TLE4: variants seen among roughly 807,000 people sequenced by gnomAD.
TLE4 encodes the protein TLE family member 4, transcriptional corepressor, also known as transducin-like enhancer protein 4.
A neutral mutation model predicts 92.8 loss-of-function variants in TLE4; 8 were observed. The observed-to-expected ratio is 0.09, with a 90% CI of 0.05 to 0.16. The LOEUF is 0.16. TLE4 is among the 10% of genes least tolerant of loss of function. The pLI, the probability that TLE4 is intolerant of heterozygous loss-of-function variation, is 1.00. For synonymous variants in TLE4, 371 were observed against 374.1 expected (o/e 0.99, Z 0.10); for missense variants, 675 against 997.6 (o/e 0.68, Z 4.36).
intron 10 of TLE4, among the ~76,000 whole-genome samples, 186 bp from the exon 11 acceptor site, chr9:79,706,561 A>T (rs986221561): frequency 2.0e-5 from 3 of 152,136 alleles, no homozygotes; most frequent in African/African-American, 7.2e-5. Flanking sequence ...TATAAATACT[A>T]TAATTTTGGG....
chr9:79,594,768 A>C (rs752787139), intron 4 of TLE4, among the ~76,000 whole-genome samples: 5 of 152,202 alleles, frequency 3.3e-5, no homozygotes, highest in Non-Finnish European at 5.9e-5. Flanking sequence ...ATTTTGGGGT[A>C]AATGGGCAAA....
intron 4 of TLE4, among the ~76,000 whole-genome samples, chr9:79,590,493 C>T (rs950967540): frequency 6.6e-6 from 1 of 152,086 alleles, no homozygotes; most frequent in Non-Finnish European, 1.5e-5. Context: ...GGAGAGGCTG[C>T]GGCAGGCAAA....
At chr9:79,723,246 C>G (rs1332522029) in intron 19 of TLE4, among the ~76,000 whole-genome samples, 2 of 152,218 alleles carry the variant, frequency 1.3e-5, no homozygotes, top group African/African-American at 4.8e-5. Context: ...AGCTCAGAGC[C>G]AGTGCTGTGC....
chr9:79,607,278 T>G (rs1431039026), intron 4 of TLE4, among the ~76,000 whole-genome samples: 1 of 152,192 alleles, frequency 6.6e-6, no homozygotes, highest in Admixed American at 6.5e-5. Flanking sequence ...ATTAGCCTTT[T>G]GTCAGGTGGG....
chr9:79,621,155 A>T (rs2050864898), intron 5 of TLE4, among the ~76,000 whole-genome samples: 1 of 152,180 alleles, frequency 6.6e-6, no homozygotes, highest in African/African-American at 2.4e-5. Context: ...ATTTAAGTTG[A>T]TTTGTACTAG....
At chr9:79,669,922 C>T (rs774119179) in intron 8 of TLE4, among the ~76,000 whole-genome samples, 7 of 152,068 alleles carry the variant, frequency 4.6e-5, no homozygotes, top group Non-Finnish European at 8.8e-5. Flanking sequence ...TACATGAATG[C>T]TCCCCACGTT....
intron 8 of TLE4, among the ~76,000 whole-genome samples, chr9:79,679,406 C>T (rs2063964479): frequency 6.6e-6 from 1 of 152,158 alleles, no homozygotes; most frequent in Non-Finnish European, 1.5e-5. Context: ...TTTTTGGCTG[C>T]ATAAATGTCT....
At chr9:79,669,660 T>C (rs2061949415) in intron 8 of TLE4, among the ~76,000 whole-genome samples, 1 of 152,306 alleles carries the variant, frequency 6.6e-6, no homozygotes, top group Non-Finnish European at 1.5e-5. Context: ...CCTCATTTAT[T>C]GGATTCCCCT....
intron 8 of TLE4, among the ~76,000 whole-genome samples, chr9:79,674,262 C>T (rs2062878606): frequency 6.6e-6 from 1 of 152,088 alleles, no homozygotes; most frequent in Non-Finnish European, 1.5e-5. Flanking sequence ...TCTGTGCTGT[C>T]ATCAGAACAG....
chr9:79,588,123 T>C (rs1213853225), intron 4 of TLE4, among the ~76,000 whole-genome samples: 2 of 145,724 alleles, frequency 1.4e-5, no homozygotes, highest in East Asian at 3.9e-4. Context: ...TAAACTTCTT[T>C]GTTTATCCTT....
intron 8 of TLE4, among the ~76,000 whole-genome samples, chr9:79,702,622 C>T (rs2070267194): frequency 6.6e-6 from 1 of 152,166 alleles, no homozygotes; most frequent in African/African-American, 2.4e-5. Flanking sequence ...CTGAATAATG[C>T]CTGCAGTCTT....
At chr9:79,647,772 A>G (rs1402663705) in intron 6 of TLE4, among the ~76,000 whole-genome samples, 1 of 152,110 alleles carries the variant, frequency 6.6e-6, no homozygotes, top group African/African-American at 2.4e-5. Flanking sequence ...CGTAGCACAT[A>G]TATATGTATT....
chr9:79,722,885 TGTTC>T (rs2075862579), intron 18 of TLE4, 70 bp from the exon 19 acceptor site: 2 of 1,352,070 alleles, frequency 1.5e-6, no homozygotes, highest in Non-Finnish European at 2.1e-6. Flanking sequence ...AATAGTTTGG[TGTTC>T]TATAAAGCAA....
chr9:79,592,060 C>G (rs1210317289), intron 4 of TLE4, among the ~76,000 whole-genome samples: 3 of 152,074 alleles, frequency 2.0e-5, no homozygotes, highest in African/African-American at 7.2e-5. Flanking sequence ...GTTTTAGGAA[C>G]TATTTGACGT....
rs942401296 is a variant in TLE4 at position 79,707,024 on chromosome 9, C to T, written c.936+125C>T. On this transcript the variant is annotated intron_variant, in intron 11 of 19. Coordinates refer to ENST00000376552, the MANE Select transcript of TLE4 (RefSeq NM_007005.6). ...TTTTATTTCCAAATGTATATATGTT[C>T]GGTATTTAAGTTTAATTGGCAAAAG... is the stretch of plus-strand genomic sequence containing the variant. The T allele has an allele frequency of 8.2e-5, 128 of 1,559,408 alleles. No individual in the cohort carries two copies. In the African/African-American group the frequency reaches 1.1e-3, roughly 14 times the overall value.
chr9:79,581,702 A>T (rs891887383), intron 4 of TLE4, among the ~76,000 whole-genome samples: 1 of 152,248 alleles, frequency 6.6e-6, no homozygotes, highest in Admixed American at 6.5e-5. Flanking sequence ...TGGTGGATTC[A>T]GGACTTCAAA....
chr9:79,660,377 A>T (rs1479550091), intron 8 of TLE4, among the ~76,000 whole-genome samples: 1 of 152,228 alleles, frequency 6.6e-6, no homozygotes, highest in Non-Finnish European at 1.5e-5. Context: ...AGTTGGCCAT[A>T]CCATTAGCCA....
At chr9:79,674,576 T>C (rs2062945575) in intron 8 of TLE4, among the ~76,000 whole-genome samples, 1 of 152,202 alleles carries the variant, frequency 6.6e-6, no homozygotes, top group Admixed American at 6.5e-5. Context: ...TCCTGTCAGA[T>C]CAGCAAAAAT....
chr9:79,686,186 G>T (rs866308052), intron 8 of TLE4, among the ~76,000 whole-genome samples: 1 of 152,088 alleles, frequency 6.6e-6, no homozygotes, highest in African/African-American at 2.4e-5. Flanking sequence ...TCTGATTTTG[G>T]TATCTGCAGG....
Sources: gnomAD v4.1 joint callset for allele counts (sites outside exome capture counted in the v4.1 genomes callset) on GRCh38, gnomAD v4.1.1 for gene constraint, MANE v1.5 for transcripts, NCBI Gene and HGNC (gene_info 2026-07-23, HGNC 2026-07-21) for gene names.